Variants in MME observed in about 807,000 individuals in gnomAD.
The protein encoded by MME is neprilysin.
Under a neutral mutation model 113.2 loss-of-function variants are expected in MME, and 98 were observed. The observed-to-expected ratio is 0.87, with a 90% CI of 0.74 to 1.02. The LOEUF is 1.02. Ranked by LOEUF, MME falls within the 50% of genes least tolerant of loss-of-function variation. The pLI is 0.00. For synonymous variants in MME, 292 were observed against 300.6 expected (o/e 0.97, Z 0.30); for missense variants, 836 against 896.0 (o/e 0.93, Z 0.86).
chr3:155,079,404 A>G (rs907250161), upstream of MME, among the ~76,000 whole-genome samples: 15 of 152,190 alleles, frequency 9.9e-5, no homozygotes, highest in African/African-American at 3.4e-4. Flanking sequence ...TGTTTTCTTG[A>G]AAGCCCCGAA....
chr3:155,141,082 C>G (rs1721053581), intron 10 of MME, among the ~76,000 whole-genome samples: 1 of 152,194 alleles, frequency 6.6e-6, no homozygotes, highest in Admixed American at 6.5e-5. Flanking sequence ...TTGATGCACA[C>G]AGCCAAGAGA....
At chr3:155,132,132 G>A (rs1006372654) in intron 8 of MME, among the ~76,000 whole-genome samples, 4 of 152,126 alleles carry the variant, frequency 2.6e-5, no homozygotes, top group Admixed American at 6.5e-5. Flanking sequence ...TAGTTGGCTC[G>A]CTAGGTTACC....
chr3:155,117,778 C>T (rs1221522802), intron 7 of MME, among the ~76,000 whole-genome samples: 1 of 151,834 alleles, frequency 6.6e-6, no homozygotes, highest in Non-Finnish European at 1.5e-5. Context: ...GAAACTTTCT[C>T]CTTGCAGGAT....
At chr3:155,077,676 A>T (rs1576686452), upstream of MME, among the ~76,000 whole-genome samples, 1 of 152,014 alleles carries the variant, frequency 6.6e-6, no homozygotes. Context: ...AGAGTTAGAG[A>T]CCAGCCTGGG....
intron 1 of MME, among the ~76,000 whole-genome samples, chr3:155,066,437 A>G (rs1247334282): frequency 2.0e-5 from 3 of 152,118 alleles, no homozygotes; most frequent in African/African-American, 7.2e-5. Context: ...GCTCATTGCC[A>G]TCTCCTCAAC....
intron 3 of MME, among the ~76,000 whole-genome samples, chr3:155,091,217 C>T (rs1430753299): frequency 1.3e-5 from 2 of 152,158 alleles, no homozygotes; most frequent in Non-Finnish European, 2.9e-5. Context: ...GCACAATTCT[C>T]GTGAAAATTG....
chr3:155,167,166 T>A, intron 18 of MME, 145 bp downstream of exon 18: 1 of 1,125,192 alleles, frequency 8.9e-7, no homozygotes, highest in Non-Finnish European at 1.3e-6. Flanking sequence ...ATTTTCCCTT[T>A]AAATTGTTGC....
chr3:155,114,005 T>G (rs2108248515), intron 3 of MME, among the ~76,000 whole-genome samples: 1 of 152,272 alleles, frequency 6.6e-6, no homozygotes, highest in East Asian at 1.9e-4. Flanking sequence ...CATACCAAGT[T>G]TAAAAAATCC....
chr3:155,102,733 G>T (rs911614490), intron 3 of MME, among the ~76,000 whole-genome samples: 1 of 152,148 alleles, frequency 6.6e-6, no homozygotes, highest in Non-Finnish European at 1.5e-5. Context: ...CAGCAAGAAT[G>T]AGGTCTCTTT....
intron 12 of MME, among the ~76,000 whole-genome samples, chr3:155,142,703 A>G (rs573250433): frequency 1.3e-5 from 2 of 152,308 alleles, no homozygotes; most frequent in East Asian, 3.9e-4. Flanking sequence ...ACATATACAC[A>G]GATGGACAAT....
intron 1 of MME, among the ~76,000 whole-genome samples, chr3:155,038,786 T>C (rs1023902646): frequency 1.3e-5 from 2 of 152,156 alleles, no homozygotes; most frequent in African/African-American, 4.8e-5. Flanking sequence ...TTTCTTTCCT[T>C]ATTAAGTTGA....
At chr3:155,148,511 G>A (rs762090317) in intron 15 of MME, 39 bp from the exon 16 acceptor site, 26 of 1,359,596 alleles carry the variant, frequency 1.9e-5, no homozygotes, top group East Asian at 1.4e-4. Context: ...AGAAGATACC[G>A]GTTTTAATAT....
At chr3:155,038,568 T>C (rs973551229) in intron 1 of MME, among the ~76,000 whole-genome samples, 5 of 152,180 alleles carry the variant, frequency 3.3e-5, no homozygotes, top group African/African-American at 1.2e-4. Flanking sequence ...CTAAATGAAA[T>C]TAGAACTCAC....
intron 17 of MME, among the ~76,000 whole-genome samples, chr3:155,162,811 G>A (rs867206901): frequency 2.6e-5 from 4 of 151,616 alleles, no homozygotes; most frequent in African/African-American, 9.7e-5. Flanking sequence ...TCAAGAGTTC[G>A]AGACCAGCCT....
intron 8 of MME, among the ~76,000 whole-genome samples, chr3:155,134,025 G>C (rs1720420563): frequency 6.6e-6 from 1 of 151,752 alleles, no homozygotes; most frequent in Admixed American, 6.6e-5. Flanking sequence ...ACTTCAAAGT[G>C]AAACAAAAAT....
chr3:155,165,221 A>G (rs1433533913), intron 17 of MME, among the ~76,000 whole-genome samples: 3 of 152,148 alleles, frequency 2.0e-5, no homozygotes, highest in Non-Finnish European at 2.9e-5. Flanking sequence ...TTACTAAACT[A>G]TGAACATTTA....
Position 155,068,609 on chromosome 3 carries a change from T to C in MME, c.-10-15549T>C, listed in dbSNP as rs113014767. On this transcript the variant is annotated intron_variant, in intron 1 of 22. Transcript: ENST00000492661. ...ATTTCACATTCTAACAGGCCTAGCATAGCATGTGCTAAAGTAGCACAAGTT... is the reference window on the plus strand; with the variant it reads ...ATTTCACATTCTAACAGGCCTAGCACAGCATGTGCTAAAGTAGCACAAGTT... Among the ~76,000 whole-genome samples the C allele has an allele frequency of 2.1e-3, 326 of 152,324 alleles. 1 individual carries two copies. Among genetic ancestry groups the C allele is most frequent in the Admixed American group, 4.5e-3 (69 of 15,306 alleles).
intron 3 of MME, among the ~76,000 whole-genome samples, chr3:155,112,029 GA>G (rs1718234067): frequency 7.8e-6 from 1 of 128,922 alleles, no homozygotes; most frequent in Non-Finnish European, 1.7e-5. Flanking sequence ...AAATTCGAGG[GA>G]ATTGCTTTTT....
chr3:155,041,974 C>T (rs1310578532), intron 1 of MME, among the ~76,000 whole-genome samples: 1 of 152,110 alleles, frequency 6.6e-6, no homozygotes, highest in Non-Finnish European at 1.5e-5. Context: ...TTTATTGAAT[C>T]ACAAAGAAAC....
Sources: allele counts gnomAD v4.1 joint callset (sites outside exome capture counted in the v4.1 genomes callset), GRCh38; gene constraint gnomAD v4.1.1; transcripts MANE v1.5; gene names NCBI Gene and HGNC (gene_info 2026-07-23, HGNC 2026-07-21).